CELF4: variants seen among roughly 807,000 people sequenced by gnomAD.
CELF4 encodes the protein CUG-BP- and ETR-3-like factor 4.
CELF4 carries 18 observed loss-of-function variants against 59.9 expected under a neutral mutation model. The observed-to-expected ratio is 0.30, with a 90% confidence interval of 0.21 to 0.45. The LOEUF (loss-of-function observed/expected upper bound fraction) is 0.45. Among genes scored for constraint, CELF4 ranks in the 20% least tolerant of loss-of-function variants. CELF4 has a pLI of 1.00. For missense variants in CELF4, 456 were observed against 689.0 expected (o/e 0.66, Z 3.79); for synonymous variants, 261 against 267.1 (o/e 0.98, Z 0.22).
At chr18:37,465,178 T>C (rs560830593) in intron 2 of CELF4, among the ~76,000 whole-genome samples, 1 of 152,298 alleles carries the variant, frequency 6.6e-6, no homozygotes, top group East Asian at 1.9e-4. Context: ...TATTGCTTAT[T>C]ATATATTATT....
intron 2 of CELF4, among the ~76,000 whole-genome samples, chr18:37,351,716 T>C (rs753278627): frequency 6.6e-6 from 1 of 151,426 alleles, no homozygotes; most frequent in Non-Finnish European, 1.5e-5. Context: ...GTTCAAGCAA[T>C]TCTCCTGCCT....
chr18:37,548,013 C>G (rs889376963), intron 1 of CELF4, among the ~76,000 whole-genome samples: 1 of 151,496 alleles, frequency 6.6e-6, no homozygotes, highest in African/African-American at 2.4e-5. Context: ...ATATGAATGC[C>G]TATTTCTGAG....
intron 2 of CELF4, among the ~76,000 whole-genome samples, chr18:37,394,954 C>T (rs1286471147): frequency 7.3e-6 from 1 of 136,542 alleles, no homozygotes; most frequent in African/African-American, 2.6e-5. Flanking sequence ...CGCCCCCCAC[C>T]CCCCACCCGG....
intron 2 of CELF4, among the ~76,000 whole-genome samples, chr18:37,468,855 C>G (rs2099814831): frequency 6.6e-6 from 1 of 152,136 alleles, no homozygotes; most frequent in African/African-American, 2.4e-5. Context: ...ACGAGAACAG[C>G]ATGGGGGAAA....
chr18:37,531,516 C>T (rs1191051334), intron 1 of CELF4, among the ~76,000 whole-genome samples: 3 of 152,270 alleles, frequency 2.0e-5, no homozygotes, highest in East Asian at 1.9e-4. Context: ...TGCCGCATGC[C>T]GATCTGCAGC....
intron 1 of CELF4, among the ~76,000 whole-genome samples, chr18:37,539,469 ACAAAC>A (rs1569569808): frequency 0.072 from 7,591 of 105,580 alleles, 570 homozygotes; most frequent in African/African-American, 0.28. Flanking sequence ...ACACACACAC[ACAAAC>A]ACACACACAC....
chr18:37,494,075 C>T (rs142310298), intron 1 of CELF4, among the ~76,000 whole-genome samples: 12 of 152,310 alleles, frequency 7.9e-5, no homozygotes, highest in East Asian at 3.9e-4. Context: ...CTCAGGGCAG[C>T]GTGTTCAGAC....
rs1297251865 is a variant in CELF4 at position 37,254,521 on chromosome 18, C to G, written c.1334-583G>C. ...GCCCAGAGGCTGAGCCCTCGCGGGC[C>G]CTCCGCCCCCACTCCCGGCCTCTGC... On this transcript the variant is annotated intron_variant, in intron 11 of 12. Transcript: ENST00000420428. This position sits in a 1 kb window ranked among gnomAD's most constrained non-coding sequence, Gnocchi z 5.1. 3.3e-5 allele frequency among the ~76,000 whole-genome samples: 5 copies of G among 152,110 alleles called. No homozygotes were observed. In the East Asian group the frequency reaches 9.8e-4, roughly 30 times the overall value.
chr18:37,414,699 G>A (rs970826442), intron 2 of CELF4, among the ~76,000 whole-genome samples: 6 of 151,712 alleles, frequency 4.0e-5, no homozygotes, highest in Middle Eastern at 3.2e-3. Context: ...GGGTTTCACC[G>A]TGTTAGCCAG....
chr18:37,287,591 T>A (rs1038247225), intron 3 of CELF4, among the ~76,000 whole-genome samples: 7 of 152,176 alleles, frequency 4.6e-5, no homozygotes, highest in African/African-American at 1.7e-4. Flanking sequence ...CCAGCCCTGC[T>A]CTGAGTGGGG....
At chr18:37,402,101 C>G (rs2099332129) in intron 2 of CELF4, among the ~76,000 whole-genome samples, 1 of 152,258 alleles carries the variant, frequency 6.6e-6, no homozygotes, top group Admixed American at 6.5e-5. Flanking sequence ...GGCATCTGGA[C>G]TCTACCTCTG....
intron 2 of CELF4, among the ~76,000 whole-genome samples, chr18:37,475,994 A>G (rs995423997): frequency 2.0e-5 from 3 of 152,186 alleles, no homozygotes; most frequent in Non-Finnish European, 2.9e-5. Flanking sequence ...GCCATTCTAT[A>G]TTTTTATTAT....
intron 2 of CELF4, among the ~76,000 whole-genome samples, chr18:37,441,594 C>T (rs1231876684): frequency 6.6e-6 from 1 of 152,102 alleles, no homozygotes; most frequent in Non-Finnish European, 1.5e-5. Flanking sequence ...CCCATGGGGA[C>T]GAGGTGGCAG....
At chr18:37,367,291 G>C (rs2098797135) in intron 2 of CELF4, among the ~76,000 whole-genome samples, 1 of 152,090 alleles carries the variant, frequency 6.6e-6, no homozygotes, top group Non-Finnish European at 1.5e-5. Flanking sequence ...GTCAAAGAGA[G>C]GGGGTGGGAA....
intron 1 of CELF4, among the ~76,000 whole-genome samples, chr18:37,556,313 T>A (rs2099984771): frequency 6.6e-6 from 1 of 152,200 alleles, no homozygotes; most frequent in South Asian, 2.1e-4. Context: ...TCTCTTTATC[T>A]ATGCAGTGGC....
At chr18:37,391,920 C>T (rs1338267249) in intron 2 of CELF4, among the ~76,000 whole-genome samples, 1 of 152,334 alleles carries the variant, frequency 6.6e-6, no homozygotes, top group Middle Eastern at 3.4e-3. Context: ...GGAGTTTCGC[C>T]TGTCTTACCC....
chr18:37,554,452 C>G (rs1359627688), intron 1 of CELF4, among the ~76,000 whole-genome samples: 2 of 152,124 alleles, frequency 1.3e-5, no homozygotes, highest in Non-Finnish European at 2.9e-5. Context: ...AAGGGGAGCA[C>G]TCTACCTCAA....
At chr18:37,446,961 T>C (rs968880679) in intron 2 of CELF4, among the ~76,000 whole-genome samples, 3 of 152,070 alleles carry the variant, frequency 2.0e-5, no homozygotes, top group African/African-American at 7.2e-5. Flanking sequence ...AGTATAGGAG[T>C]GATTTCACTC....
intron 1 of CELF4, among the ~76,000 whole-genome samples, chr18:37,551,000 T>C (rs1255902025): frequency 6.6e-6 from 1 of 151,314 alleles, no homozygotes; most frequent in Non-Finnish European, 1.5e-5. Flanking sequence ...AGGTCACTTT[T>C]GGTTGGGTAC....
Sources: gnomAD v4.1 joint callset for allele counts (sites outside exome capture counted in the v4.1 genomes callset) on GRCh38, gnomAD v4.1.1 for gene constraint, Gnocchi (gnomAD v3.1) non-coding constraint, MANE v1.5 for transcripts, NCBI Gene and HGNC (gene_info 2026-07-23, HGNC 2026-07-21) for gene names.